Variants in GPRC5D observed in about 807,000 individuals in gnomAD.
The protein encoded by GPRC5D is G protein-coupled receptor class C group 5 member D, also known as G protein-coupled receptor family C group 5 member D.
In GPRC5D, 20 loss-of-function variants were observed where a neutral mutation model predicts 29.3. That is an observed-to-expected ratio of 0.68 (90% confidence interval 0.48 to 0.99). The LOEUF (loss-of-function observed/expected upper bound fraction) is 0.99, where lower values mean the gene tolerates loss of function less well. Among genes scored for constraint, GPRC5D ranks in the 50% least tolerant of loss-of-function variants. The pLI is 0.00. For synonymous variants in GPRC5D, 178 were observed against 171.3 expected, an observed-to-expected ratio of 1.04 and a Z score of -0.30; for missense variants, 384 against 423.6, an observed-to-expected ratio of 0.91 and a Z score of 0.82.
At chr12:12,950,516 TG>T, upstream of GPRC5D, 1 of 667,734 alleles carries the variant, frequency 1.5e-6, no homozygotes, top group South Asian at 1.9e-5. Context: ...TTAAAAGTAA[TG>T]GCAAGAAGGC....
chr12:12,945,771 C>T (rs1328537784), intron 1 of GPRC5D, among the ~76,000 whole-genome samples: 1 of 152,118 alleles, frequency 6.6e-6, no homozygotes, highest in African/African-American at 2.4e-5. Context: ...GTTGAAGTTT[C>T]CTGTACCTAA....
intron 1 of GPRC5D, among the ~76,000 whole-genome samples, chr12:12,944,789 C>CT (rs1233684378): frequency 4.8e-4 from 16 of 33,274 alleles, no homozygotes; most frequent in Non-Finnish European, 9.8e-4. Context: ...TCCTTCCTTC[C>CT]TTCCTTCCTT....
intron 1 of GPRC5D, chr12:12,948,290 T>C (rs1422800981): frequency 1.3e-5 from 2 of 152,440 alleles, no homozygotes; most frequent in African/African-American, 4.8e-5. Flanking sequence ...AACTCAGTGA[T>C]GTGATTATGC....
intron 1 of GPRC5D, chr12:12,944,420 A>G (rs1178592021): frequency 3.3e-5 from 5 of 152,154 alleles, no homozygotes; most frequent in African/African-American, 9.7e-5. Flanking sequence ...AGAACTTCCC[A>G]TGAAAGAACA....
intron 1 of GPRC5D, among the ~76,000 whole-genome samples, chr12:12,946,306 TCC>T (rs1173202659): frequency 2.1e-3 from 59 of 27,912 alleles, no homozygotes; most frequent in African/African-American, 7.1e-3. Flanking sequence ...CTTCCTTCCT[TCC>T]TTTTCTTTCT....
At chr12:12,942,979 T>A (rs1863192323) in intron 1 of GPRC5D, among the ~76,000 whole-genome samples, 2 of 152,206 alleles carry the variant, frequency 1.3e-5, no homozygotes, top group Non-Finnish European at 2.9e-5. Flanking sequence ...AAGCTTGAAT[T>A]CAATTTTTCA....
chr12:12,950,366 C>G (rs772220727), exon 1 of GPRC5D: 1 of 1,604,760 alleles, frequency 6.2e-7, no homozygotes, highest in African/African-American at 1.3e-5. Flanking sequence ...CCAGTGGACT[C>G]GATGCAGTCC....
chr12:12,941,760 C>T (rs1475571853), intron 2 of GPRC5D, among the ~76,000 whole-genome samples: 1 of 152,182 alleles, frequency 6.6e-6, no homozygotes, highest in Non-Finnish European at 1.5e-5. Context: ...ATTTGTTCAT[C>T]CATCTGGGCA....
Position 12,950,045 on chromosome 12 carries a change from GATTGGAGGCATGAGCTAAGA to G in GPRC5D, c.320_339del (p.Leu107ProfsTer33), listed in dbSNP as rs1863451143. 1 of 1,613,896 alleles carries G rather than the reference GATTGGAGGCATGAGCTAAGA, an allele frequency of 6.2e-7. No homozygotes were observed. ...ACACAACCCCGAACCAGCTTCACTA[GATTGGAGGCATGAGCTAAGA>G]GGCATGAGAAACAGAGAGCAAAGAG... On this transcript the variant is annotated frameshift_variant, in exon 1 of 3. Coordinates refer to ENST00000228887, the Ensembl canonical transcript of GPRC5D. LOFTEE classifies it high-confidence loss of function.
At chr12:12,949,302 A>G (rs139419403) in intron 1 of GPRC5D, among the ~76,000 whole-genome samples, 188 bp downstream of exon 2, 1 of 152,152 alleles carries the variant, frequency 6.6e-6, no homozygotes, top group Non-Finnish European at 1.5e-5. Flanking sequence ...CTTTGGAAGA[A>G]CTCATTTTTC....
At chr12:12,946,064 G>GA (rs1863306159) in intron 1 of GPRC5D, among the ~76,000 whole-genome samples, 1 of 152,134 alleles carries the variant, frequency 6.6e-6, no homozygotes, top group South Asian at 2.1e-4. Context: ...ATCTTCTTTA[G>GA]ATAGACTTCC....
chr12:12,944,811 TTCCTTCCTTCCTTCCTTCC>T (rs1565477050), intron 1 of GPRC5D, among the ~76,000 whole-genome samples: 19 of 14,696 alleles, frequency 1.3e-3, no homozygotes, highest in African/African-American at 2.9e-3. Flanking sequence ...CCTTCCTTCC[TTCCTTCCTTCCTTCCTTCC>T]TTCCTTCCTT....
intron 1 of GPRC5D, among the ~76,000 whole-genome samples, chr12:12,947,588 A>G (rs1016213495): frequency 2.8e-5 from 4 of 141,366 alleles, no homozygotes; most frequent in Non-Finnish European, 4.5e-5. Flanking sequence ...AAATTGAGAC[A>G]GGGTCTCGTT....
intron 1 of GPRC5D, 119 bp downstream of exon 2, chr12:12,949,371 C>T: frequency 1.2e-6 from 1 of 828,198 alleles, no homozygotes; most frequent in Non-Finnish European, 1.9e-6. Flanking sequence ...TATGAAGCCA[C>T]CCACCCCAAA....
At chr12:12,942,162 CT>C in intron 2 of GPRC5D, 98 bp downstream of exon 3, 1 of 817,410 alleles carries the variant, frequency 1.2e-6, no homozygotes, top group Non-Finnish European at 2.1e-6. Context: ...TCTCTCCTCT[CT>C]CAGGTCAGTA....
At chr12:12,943,062 G>T (rs1863193838) in intron 1 of GPRC5D, among the ~76,000 whole-genome samples, 2 of 152,174 alleles carry the variant, frequency 1.3e-5, no homozygotes, top group South Asian at 4.1e-4. Context: ...CTCCCAAAGT[G>T]CTGGGATTAT....
chr12:12,950,282 C>A (rs201926763), exon 1 of GPRC5D: 17 of 1,613,680 alleles, frequency 1.1e-5, no homozygotes, highest in Non-Finnish European at 1.4e-5. Context: ...ATTGTGACCA[C>A]GATGCCAAGT....
At chr12:12,950,546 C>A, upstream of GPRC5D, 4 of 599,638 alleles carry the variant, frequency 6.7e-6, no homozygotes, top group South Asian at 8.3e-5. Flanking sequence ...GTGGCTCACT[C>A]CTGTTATCCC....
exon 1 of GPRC5D, chr12:12,949,670 C>A: frequency 6.2e-7 from 1 of 1,614,152 alleles, no homozygotes; most frequent in South Asian, 1.1e-5. Context: ...ACGACCGGGT[C>A]GTCCCACTGG....
Sources: allele counts gnomAD v4.1 joint callset (sites outside exome capture counted in the v4.1 genomes callset), GRCh38; gene constraint gnomAD v4.1.1; transcripts MANE v1.5; gene names NCBI Gene and HGNC (gene_info 2026-07-23, HGNC 2026-07-21).